ANKRD30B: variants seen among roughly 807,000 people sequenced by gnomAD.
ANKRD30B encodes ankyrin repeat domain-containing protein 30B.
Under a neutral mutation model 202.2 loss-of-function variants are expected in ANKRD30B, and 144 were observed. The ratio of observed to expected loss-of-function variants is 0.71; its 90% CI spans 0.62 to 0.82. The LOEUF is 0.82. Ranked by LOEUF, ANKRD30B falls within the 40% of genes least tolerant of loss-of-function variation. The pLI is 0.00. For synonymous variants in ANKRD30B, 508 were observed against 561.3 expected, an observed-to-expected ratio of 0.91 and a Z score of 1.34; for missense variants, 1,487 against 1,669.1, an observed-to-expected ratio of 0.89 and a Z score of 1.90.
intron 30 of ANKRD30B, among the ~76,000 whole-genome samples, chr18:14,817,505 G>A (rs1970177809): frequency 6.6e-6 from 1 of 152,158 alleles, no homozygotes; most frequent in African/African-American, 2.4e-5. Context: ...TAAATGCCAA[G>A]TGATAAACGG....
chr18:14,824,306 TA>T (rs1231153861), intron 32 of ANKRD30B, among the ~76,000 whole-genome samples: 2 of 152,220 alleles, frequency 1.3e-5, no homozygotes, highest in Non-Finnish European at 2.9e-5. Context: ...CTGCTTCAAC[TA>T]ATATTAGAAA....
At position 14,769,334 on chromosome 18, in the gene ANKRD30B, C is replaced by A; in HGVS notation, c.1226-9C>A. ...TAATTTAATGTATTTTACTTTTTTT[C>A]TTTAATAGTGGATGTGAGTTCTGTA... On this transcript the variant is annotated splice_polypyrimidine_tract_variant and intron_variant, in intron 7 of 43. Transcript: ENST00000690538. 1.3e-6 allele frequency: 2 copies of A among 1,531,604 alleles called. No individual in the cohort carries two copies. The highest frequency in any genetic ancestry group is 2.8e-5 in the African/African-American group (2 of 72,192). The allele number at this position is 1,531,604 out of a possible 1,614,324, so 94.9% of individuals were successfully genotyped here.
intron 12 of ANKRD30B, among the ~76,000 whole-genome samples, chr18:14,783,670 T>C (rs1439235164): frequency 6.6e-6 from 1 of 152,088 alleles, no homozygotes; most frequent in Non-Finnish European, 1.5e-5. Context: ...AATACATCTA[T>C]TGCAATTAAT....
the ANKRD30B span, among the ~76,000 whole-genome samples, chr18:14,866,678 G>C: frequency 6.6e-6 from 1 of 152,174 alleles, no homozygotes; most frequent in Non-Finnish European, 1.5e-5. Flanking sequence ...CCGCTTGTGG[G>C]GTGGTGGTGG....
rs1289893925 is a variant in ANKRD30B at position 14,850,372 on chromosome 18, A to G, written c.3554A>G (p.Asn1185Ser). The change falls in exon 41 of 44, where the codon AAT becomes AGT. Residue 1185 changes from asparagine (N) to serine (S), a missense_variant. Asn to Ser is a conservative substitution (Grantham distance 46). Around this residue, in one of 6 missense-constraint regions of ANKRD30B, gnomAD observed 177 missense variants for 216.4 expected, o/e 0.82. Coordinates refer to ENST00000690538, the MANE Select transcript of ANKRD30B (RefSeq NM_001367607.2). ...QDIELKSVTS[N>S]LNQVSHTHES... ...ATAGAATTGAAAAGTGTAACAAGTAATTTGAATCAGGTAAATCAATCTCTG... is the reference window on the plus strand; with the variant it reads ...ATAGAATTGAAAAGTGTAACAAGTAGTTTGAATCAGGTAAATCAATCTCTG... 2 of 1,547,784 alleles carry G rather than the reference A, an allele frequency of 1.3e-6. No homozygotes were observed. The highest frequency in any genetic ancestry group is 2.8e-5 in the African/African-American group (2 of 70,956).
the ANKRD30B span, chr18:14,883,397 C>CTATATA: frequency 5.7e-5 from 3 of 52,396 alleles, no homozygotes; most frequent in African/African-American, 2.5e-4. Context: ...CTCTCTCTCT[C>CTATATA]TCTATATATA....
At chr18:14,893,248 T>C in the ANKRD30B span, among the ~76,000 whole-genome samples, 5 of 152,324 alleles carry the variant, frequency 3.3e-5, no homozygotes, top group African/African-American at 1.2e-4. Flanking sequence ...CAATTAACAT[T>C]ATCACTCTTT....
intron 18 of ANKRD30B, 127 bp downstream of exon 18, chr18:14,796,542 G>T (rs1002690221): frequency 2.6e-6 from 3 of 1,171,870 alleles, no homozygotes; most frequent in African/African-American, 1.6e-5. Flanking sequence ...AACAAATAAT[G>T]CCAATGTTAG....
At chr18:14,767,509 G>T (rs1032926421) in intron 7 of ANKRD30B, among the ~76,000 whole-genome samples, 6 of 152,048 alleles carry the variant, frequency 3.9e-5, no homozygotes, top group African/African-American at 1.2e-4. Flanking sequence ...TCTTTTTCTT[G>T]TGATGACTGT....
At chr18:14,817,876 A>G (rs748534900) in intron 30 of ANKRD30B, among the ~76,000 whole-genome samples, 4 of 152,120 alleles carry the variant, frequency 2.6e-5, no homozygotes. Flanking sequence ...CACTTTTTTT[A>G]TAAAACACCT....
At chr18:14,797,303 A>G (rs992355875) in intron 18 of ANKRD30B, among the ~76,000 whole-genome samples, 1 of 152,082 alleles carries the variant, frequency 6.6e-6, no homozygotes, top group African/African-American at 2.4e-5. Flanking sequence ...AATCTTGGTG[A>G]CGCGAAACCT....
At chr18:14,933,925 T>C in the ANKRD30B span, among the ~76,000 whole-genome samples, 1 of 152,180 alleles carries the variant, frequency 6.6e-6, no homozygotes, top group Non-Finnish European at 1.5e-5. Context: ...CCTCTCAGAC[T>C]CCAGGCTCTT....
At chr18:14,789,768 G>A (rs1339731507) in intron 15 of ANKRD30B, among the ~76,000 whole-genome samples, 2 of 152,144 alleles carry the variant, frequency 1.3e-5, no homozygotes, top group African/African-American at 4.8e-5. Flanking sequence ...TTTGGTACCA[G>A]TACCACGCTG....
chr18:14,939,748 A>C, the ANKRD30B span, among the ~76,000 whole-genome samples: 1 of 152,208 alleles, frequency 6.6e-6, no homozygotes, highest in Admixed American at 6.5e-5. Context: ...AAATAAATAT[A>C]ATAAAGTAGT....
At chr18:14,870,719 G>T in the ANKRD30B span, among the ~76,000 whole-genome samples, 18 of 152,060 alleles carry the variant, frequency 1.2e-4, no homozygotes, top group Non-Finnish European at 1.8e-4. Flanking sequence ...CCTGGGCCCT[G>T]GCTCCATGAA....
chr18:14,915,360 C>G, the ANKRD30B span, among the ~76,000 whole-genome samples: 1 of 152,196 alleles, frequency 6.6e-6, no homozygotes, highest in East Asian at 1.9e-4. Context: ...CTTCCTCCAC[C>G]ACTCTAACAA....
intron 6 of ANKRD30B, among the ~76,000 whole-genome samples, chr18:14,761,782 G>A (rs1915300493): frequency 6.6e-6 from 1 of 152,046 alleles, no homozygotes; most frequent in Admixed American, 6.6e-5. Flanking sequence ...GAACTTCTGG[G>A]CTTTATTTAA....
rs1215940502 is a variant in ANKRD30B at position 14,848,758 on chromosome 18, G to A, written c.3224G>A (p.Cys1075Tyr). 2.6e-6 allele frequency: 4 copies of A among 1,567,920 alleles called. No homozygotes were observed. The Admixed American group carries it at 7.5e-5, about 30-fold the overall frequency. ...LSKILDALPS[C>Y]ERGRELKKDN... ...AAAATCTTGGATGCACTTCCTTCTT[G>A]TGAAAGAGGAAGGGAACTTAAAAAA... is the stretch of plus-strand genomic sequence containing the variant. Residue 1075 changes from cysteine (C) to tyrosine (Y), a missense_variant, in exon 40 of 44, where the codon TGT becomes TAT. This residue lies in a region of ANKRD30B where 177 missense variants were observed against 216.4 expected (regional missense o/e 0.82). Transcript: ENST00000690538.
chr18:14,846,196 T>C (rs1384343629), intron 39 of ANKRD30B, among the ~76,000 whole-genome samples: 1 of 152,094 alleles, frequency 6.6e-6, no homozygotes, highest in Non-Finnish European at 1.5e-5. Context: ...CAATATCTAA[T>C]GTGCTGTGTT....
Sources: allele counts gnomAD v4.1 joint callset (sites outside exome capture counted in the v4.1 genomes callset), GRCh38; gene constraint gnomAD v4.1.1; regional missense constraint gnomAD v4.1.1; transcripts MANE v1.5; gene names NCBI Gene and HGNC (gene_info 2026-07-23, HGNC 2026-07-21).